SHCBP1: variants seen among roughly 807,000 people sequenced by gnomAD.
SHCBP1 encodes SHC binding and spindle associated 1.
A neutral mutation model predicts 75.1 loss-of-function variants in SHCBP1; 60 were observed. The ratio of observed to expected loss-of-function variants is 0.80; its 90% CI spans 0.65 to 0.99. SHCBP1 has a LOEUF of 0.99. Among genes scored for constraint, SHCBP1 ranks in the 50% least tolerant of loss-of-function variants. The pLI is 0.00. For missense variants in SHCBP1, 709 were observed against 809.4 expected, an observed-to-expected ratio of 0.88 and a Z score of 1.50; for synonymous variants, 290 against 293.2, an observed-to-expected ratio of 0.99 and a Z score of 0.11.
At chr16:46,606,572 C>T (rs556848581) in intron 5 of SHCBP1, among the ~76,000 whole-genome samples, 1 of 152,160 alleles carries the variant, frequency 6.6e-6, no homozygotes, top group Admixed American at 6.5e-5. Context: ...GTCCGATATA[C>T]GTTATGTTCC....
chr16:46,598,854 T>C (rs761778755), intron 9 of SHCBP1, among the ~76,000 whole-genome samples: 7 of 152,246 alleles, frequency 4.6e-5, no homozygotes, highest in African/African-American at 9.6e-5. Flanking sequence ...TGGTTAACTT[T>C]CTGTAGCTTG....
intron 4 of SHCBP1, among the ~76,000 whole-genome samples, chr16:46,614,362 T>C (rs1338572667): frequency 6.6e-6 from 1 of 152,222 alleles, no homozygotes; most frequent in Non-Finnish European, 1.5e-5. Context: ...ATTTACATTA[T>C]GGTCATTATA....
chr16:46,603,677 C>T lies in SHCBP1; in HGVS notation c.1093-18G>A. 2 of 1,613,814 alleles carry T rather than the reference C, an allele frequency of 1.2e-6. No individual in the cohort carries two copies. Among genetic ancestry groups the T allele is most frequent in the South Asian group, 2.2e-5 (2 of 91,042 alleles). On this transcript the variant is annotated intron_variant, in intron 7 of 12. Coordinates refer to ENST00000303383, the MANE Select transcript of SHCBP1 (RefSeq NM_024745.5). ...CTATGGAACTAGAAAACAATAAGAA[C>T]ACATTTGTAAATATACACTCCCAAA...
chr16:46,610,478 T>C (rs1399616167), intron 4 of SHCBP1, among the ~76,000 whole-genome samples: 1 of 150,946 alleles, frequency 6.6e-6, no homozygotes, highest in Admixed American at 6.7e-5. Context: ...CCCTCTTTTT[T>C]CCCTTGCAAT....
At chr16:46,599,046 A>C (rs1965187863) in intron 9 of SHCBP1, among the ~76,000 whole-genome samples, 1 of 152,224 alleles carries the variant, frequency 6.6e-6, no homozygotes, top group African/African-American at 2.4e-5. Context: ...GATTTAAGGA[A>C]TGTGGTGGCT....
At chr16:46,600,887 G>A (rs1027358963) in intron 8 of SHCBP1, among the ~76,000 whole-genome samples, 3 of 151,966 alleles carry the variant, frequency 2.0e-5, no homozygotes, top group African/African-American at 4.8e-5. Flanking sequence ...GCATGTGCCT[G>A]TAATCCCAGC....
chr16:46,600,144 A>G (rs1965210592), intron 8 of SHCBP1, among the ~76,000 whole-genome samples, 182 bp from the exon 9 acceptor site: 1 of 152,144 alleles, frequency 6.6e-6, no homozygotes, highest in Admixed American at 6.5e-5. Flanking sequence ...AGGGTATCCA[A>G]TTTTTAACAA....
chr16:46,599,688 A>AAAAAC lies in SHCBP1; in HGVS notation c.1345+138_1345+142dup, dbSNP rs200386113. 11 of 74,634 alleles carry AAAAAC rather than the reference A, an allele frequency of 1.5e-4. 1 individual carries two copies. The East Asian group carries it at 3.4e-3, about 23-fold the overall frequency. The allele number at this position is 74,634 out of a possible 1,614,324, so 4.6% of individuals were successfully genotyped here. On this transcript the variant is annotated intron_variant, in intron 9 of 12. Transcript: ENST00000303383. ...AATTTGTAAAAAAAAAAAAAAAAAAAAAAACTCAGCATCGTGAAGTGCAAT... is the reference window on the plus strand; with the variant it reads ...AATTTGTAAAAAAAAAAAAAAAAAAAAAAACAAAACTCAGCATCGTGAAGTGCAAT...
In SHCBP1 at chr16:46,616,629, C is replaced by T. The variant is rs922490732; in HGVS notation, c.388-475G>A. Among the ~76,000 whole-genome samples the T allele has an allele frequency of 1.3e-4, 19 of 151,948 alleles. No individual in the cohort carries two copies. Among genetic ancestry groups the T allele is most frequent in the Admixed American group, 1.2e-3 (18 of 15,234 alleles). On this transcript the variant is annotated intron_variant, in intron 3 of 12. Coordinates refer to ENST00000303383, the MANE Select transcript of SHCBP1 (RefSeq NM_024745.5). The surrounding 1 kb of genome is among the most constrained non-coding windows in gnomAD (Gnocchi z 4.4). ...GATATGAGGTGAGAAAGAGAGGCAA[C>T]GAGACCAGGACATGAAGGACATCTG...
At chr16:46,608,846 G>A (rs1041290814) in intron 4 of SHCBP1, among the ~76,000 whole-genome samples, 8 of 151,980 alleles carry the variant, frequency 5.3e-5, no homozygotes, top group African/African-American at 1.7e-4. Flanking sequence ...TGATTCACCC[G>A]CCTCGGACTC....
Position 46,615,804 on chromosome 16 carries a change from T to C in SHCBP1, c.596+142A>G, listed in dbSNP as rs140386295. The C allele has an allele frequency of 8.4e-4, 558 of 662,276 alleles. 9 individuals are homozygous for C. In the East Asian group the frequency reaches 0.014, roughly 17 times the overall value. The allele number at this position is 662,276 out of a possible 1,614,324, so 41.0% of individuals were successfully genotyped here. On this transcript the variant is annotated intron_variant, in intron 4 of 12. Transcript: ENST00000303383. ...ATTTTTTTTAATTTAAAAAAGATTA[T>C]CCTATCTTTGGATATTTTTAAATAT...
At chr16:46,590,261 G>A (rs747110046) in intron 10 of SHCBP1, among the ~76,000 whole-genome samples, 18 of 151,996 alleles carry the variant, frequency 1.2e-4, no homozygotes, top group Admixed American at 7.2e-4. Flanking sequence ...CGCATGGCAG[G>A]ACTTCATGAC....
At chr16:46,619,904 G>A (rs1416161462) in intron 1 of SHCBP1, among the ~76,000 whole-genome samples, 2 of 151,960 alleles carry the variant, frequency 1.3e-5, no homozygotes, top group East Asian at 3.9e-4. Flanking sequence ...GTGTGGTGGC[G>A]GGCGCCTATA....
Position 46,595,689 on chromosome 16 carries a change from C to T in SHCBP1, c.1346-19G>A, listed in dbSNP as rs1026863027. 1.3e-6 allele frequency: 2 copies of T among 1,582,122 alleles called. No individual in the cohort carries two copies. Among genetic ancestry groups the T allele is most frequent in the African/African-American group, 2.7e-5 (2 of 74,324 alleles). On this transcript the variant is annotated intron_variant, in intron 9 of 12. Transcript: ENST00000303383. ...TGAACAACTGGGATGAAAATACACG[C>T]TGACTGTTTTAAGAAGTAATGTGCC... is the stretch of plus-strand genomic sequence containing the variant.
intron 10 of SHCBP1, among the ~76,000 whole-genome samples, chr16:46,588,302 C>G (rs879241620): frequency 6.6e-6 from 1 of 151,946 alleles, no homozygotes; most frequent in Non-Finnish European, 1.5e-5. Flanking sequence ...TAGCAGAAGG[C>G]AAGAAATCAC....
intron 10 of SHCBP1, among the ~76,000 whole-genome samples, chr16:46,589,548 A>C (rs1406282349): frequency 6.6e-6 from 1 of 152,238 alleles, no homozygotes; most frequent in Non-Finnish European, 1.5e-5. Flanking sequence ...ACAGAGAGTC[A>C]AATCATAAGT....
intron 9 of SHCBP1, among the ~76,000 whole-genome samples, chr16:46,597,747 G>C (rs1207441392): frequency 6.6e-6 from 1 of 152,144 alleles, no homozygotes; most frequent in Admixed American, 6.5e-5. Flanking sequence ...TTCATGAAAG[G>C]ATTTCTCTGT....
At chr16:46,604,769 A>C (rs182246845) in intron 5 of SHCBP1, among the ~76,000 whole-genome samples, 1 of 152,308 alleles carries the variant, frequency 6.6e-6, no homozygotes, top group Admixed American at 6.5e-5. Flanking sequence ...TTATTATTTA[A>C]TAAGAAATTA....
At chr16:46,615,042 G>A (rs1965473376) in intron 4 of SHCBP1, among the ~76,000 whole-genome samples, 1 of 152,264 alleles carries the variant, frequency 6.6e-6, no homozygotes, top group South Asian at 2.1e-4. Context: ...CGCCCCTGAG[G>A]CAGCAAGACC....
Sources: allele counts gnomAD v4.1 joint callset (sites outside exome capture counted in the v4.1 genomes callset), GRCh38; gene constraint gnomAD v4.1.1; non-coding constraint Gnocchi (gnomAD v3.1); transcripts MANE v1.5; gene names NCBI Gene and HGNC (gene_info 2026-07-23, HGNC 2026-07-21).